The following BPIFC variants were observed in gnomAD, a reference collection of about 807,000 sequenced individuals.
BPIFC encodes BPI fold-containing family C protein.
In BPIFC, 60 loss-of-function variants were observed where a neutral mutation model predicts 57.6. The ratio of observed to expected loss-of-function variants is 1.04; its 90% confidence interval spans 0.85 to 1.29. The LOEUF (loss-of-function observed/expected upper bound fraction) is 1.29. Ranked by LOEUF, BPIFC falls within the 50% of genes most tolerant of loss-of-function variation. BPIFC has a pLI of 0.00. For synonymous variants in BPIFC, 243 were observed against 224.5 expected, an observed-to-expected ratio of 1.08 and a Z score of -0.74; for missense variants, 581 against 600.5, an observed-to-expected ratio of 0.97 and a Z score of 0.34.
chr22:32,460,360 C>T (rs1935136134), intron 2 of BPIFC, among the ~76,000 whole-genome samples: 1 of 152,210 alleles, frequency 6.6e-6, no homozygotes, highest in African/African-American at 2.4e-5. Flanking sequence ...TTGTCTAGTG[C>T]ACAAACTCCC....
At chr22:32,429,833 A>G (rs991473321) in intron 13 of BPIFC, among the ~76,000 whole-genome samples, 2 of 152,056 alleles carry the variant, frequency 1.3e-5, no homozygotes, top group Non-Finnish European at 2.9e-5. Flanking sequence ...TGTTTCCACA[A>G]TAGACTTCAT....
At chr22:32,457,829 T>C (rs1935077100) in intron 2 of BPIFC, among the ~76,000 whole-genome samples, 2 of 152,210 alleles carry the variant, frequency 1.3e-5, no homozygotes, top group South Asian at 4.1e-4. Flanking sequence ...TACTCTGGGA[T>C]CCCACCACAC....
chr22:32,463,189 T>C (rs1331798654), intron 1 of BPIFC, among the ~76,000 whole-genome samples: 1 of 152,176 alleles, frequency 6.6e-6, no homozygotes, highest in Admixed American at 6.5e-5. Context: ...TTTCATTGAA[T>C]TGTTCAGTTA....
In BPIFC at chr22:32,435,724, C is replaced by G. The variant is rs5994570; in HGVS notation, c.904G>C (p.Val302Leu). ...CTCACCTCTTCGGTGGAGAGAGTGA[C>G]ATTGAAAACCCCAGCTGTGAAATGA... The part of the protein sequence containing the change: ...FAHFTAGVFN[V>L]TLSTEEISNH... The change falls in exon 10 of 17, where the codon GTC becomes CTC. Residue 302 changes from valine to leucine, a missense_variant. By Grantham distance (32) the Val-to-Leu change is conservative. Transcript: ENST00000300399. The G allele has an allele frequency of 0.077, 123,645 of 1,613,636 alleles. 8,047 individuals are homozygous for G. Among genetic ancestry groups the G allele is most frequent in the African/African-American group, 0.35 (25,891 of 74,902 alleles).
intron 13 of BPIFC, among the ~76,000 whole-genome samples, chr22:32,424,659 CT>C (rs1177023109): frequency 9.2e-5 from 6 of 65,334 alleles, no homozygotes; most frequent in African/African-American, 4.0e-4. Flanking sequence ...TCTTCTTCTT[CT>C]TCTTCTTCTT....
chr22:32,440,645 A>G (rs12167810), intron 8 of BPIFC, among the ~76,000 whole-genome samples: 1 of 152,136 alleles, frequency 6.6e-6, no homozygotes, highest in East Asian at 1.9e-4. Flanking sequence ...TTCCCATCTC[A>G]ATAAATGCTA....
At chr22:32,432,737 G>C (rs1934285168) in intron 11 of BPIFC, among the ~76,000 whole-genome samples, 194 bp from the exon 12 acceptor site, 1 of 152,162 alleles carries the variant, frequency 6.6e-6, no homozygotes, top group African/African-American at 2.4e-5. Context: ...CATAATACTT[G>C]ATACTACCCA....
Position 32,457,188 on chromosome 22 carries a change from T to C in BPIFC, c.124+75A>G, listed in dbSNP as rs953862957. ...TTCTCAGTCAGGAGACAGCCCATGT[T>C]ATGAGCTGTTCAGTTTGGGTCACAG... On this transcript the variant is annotated intron_variant, in intron 3 of 16. Coordinates refer to ENST00000300399, the MANE Select transcript of BPIFC (RefSeq NM_174932.3). 7.4e-6 allele frequency: 11 copies of C among 1,489,848 alleles called. No homozygotes were observed. The African/African-American group carries it at 1.6e-4, about 21-fold the overall frequency. The allele number at this position is 1,489,848 out of a possible 1,614,324, so 92.3% of individuals were successfully genotyped here. A position where few individuals can be genotyped will look rare whatever the true frequency, so the allele number is the denominator to read the frequency against.
At chr22:32,422,600 C>T (rs1030747511) in intron 13 of BPIFC, among the ~76,000 whole-genome samples, 1 of 151,750 alleles carries the variant, frequency 6.6e-6, no homozygotes, top group Non-Finnish European at 1.5e-5. Flanking sequence ...CCCAGCTACT[C>T]GGGAGGCAGA....
At chr22:32,456,769 T>C (rs958779802) in intron 3 of BPIFC, among the ~76,000 whole-genome samples, 5 of 152,294 alleles carry the variant, frequency 3.3e-5, no homozygotes, top group African/African-American at 1.2e-4. Context: ...AAATGTTCTC[T>C]AAAGGAGTGG....
At chr22:32,439,536 G>T in intron 8 of BPIFC, among the ~76,000 whole-genome samples, 1 of 152,158 alleles carries the variant, frequency 6.6e-6, no homozygotes, top group Admixed American at 6.5e-5. Context: ...AGATGGAGAT[G>T]AAAAGCAAGA....
chr22:32,457,393 T>C lies in BPIFC; in HGVS notation c.1-7A>G. On this transcript the variant is annotated splice_region_variant and splice_polypyrimidine_tract_variant and intron_variant, in intron 2 of 16. Transcript: ENST00000300399. ...GGATTGTCTTTGTACACATCTGAAA[T>C]TAACCAACAGTTAAGGTTCCTTTAT... 2 of 1,604,360 alleles carry C rather than the reference T, an allele frequency of 1.2e-6. No individual in the cohort carries two copies. Among genetic ancestry groups the C allele is most frequent in the Non-Finnish European group, 1.7e-6 (2 of 1,177,524 alleles).
At chr22:32,459,684 A>T (rs1935121107) in intron 2 of BPIFC, among the ~76,000 whole-genome samples, 4 of 147,922 alleles carry the variant, frequency 2.7e-5, no homozygotes, top group Middle Eastern at 3.4e-3. Flanking sequence ...AATAAAAATT[A>T]AAAAAAAAAC....
chr22:32,437,380 T>C (rs1410568177), intron 9 of BPIFC, among the ~76,000 whole-genome samples: 1 of 152,158 alleles, frequency 6.6e-6, no homozygotes, highest in Non-Finnish European at 1.5e-5. Context: ...TTTGTTTTTG[T>C]TTTTGTTTTC....
intron 4 of BPIFC, among the ~76,000 whole-genome samples, chr22:32,452,703 G>A (rs1934928785): frequency 6.6e-6 from 1 of 152,036 alleles, no homozygotes; most frequent in South Asian, 2.1e-4. Context: ...ATTGACAGCA[G>A]GGGAATGATC....
At chr22:32,450,285 TTACAGGTTTG>T (rs1254779277) in intron 4 of BPIFC, among the ~76,000 whole-genome samples, 9 of 152,226 alleles carry the variant, frequency 5.9e-5, no homozygotes, top group Non-Finnish European at 8.8e-5. Context: ...GTCTCATGTT[TTACAGGTTTG>T]TAGCCTAGGA....
chr22:32,457,236 T>C (rs1204860796), intron 3 of BPIFC, 27 bp downstream of exon 3: 2 of 1,583,302 alleles, frequency 1.3e-6, no homozygotes, highest in Non-Finnish European at 8.5e-7. Flanking sequence ...GGGCCTGAGG[T>C]CTGGCTTCTG....
Position 32,461,565 on chromosome 22 carries a change from T to C in BPIFC, c.-1+9A>G. On this transcript the variant is annotated intron_variant, in intron 2 of 16. Transcript: ENST00000300399. The stretch of plus-strand genomic sequence containing the variant: ...ACAGCATCTTAACACTCTGAATGGA[T>C]GCATGTACCTCCTGCAGGAGCTAGA... 2.0e-6 allele frequency: 2 copies of C among 985,048 alleles called. No homozygotes were observed. Among genetic ancestry groups the C allele is most frequent in the Non-Finnish European group, 2.4e-6 (2 of 829,576 alleles). 61.0% of individuals were successfully genotyped at this position (985,048 alleles called of 1,614,324 possible).
At chr22:32,461,489 G>A (rs1935159114) in intron 2 of BPIFC, 85 bp downstream of exon 2, 1 of 678,622 alleles carries the variant, frequency 1.5e-6, no homozygotes, top group South Asian at 6.5e-5. Flanking sequence ...TGTGGTGAGT[G>A]GGATAAGGGG....
Sources: gnomAD v4.1 joint callset for allele counts (sites outside exome capture counted in the v4.1 genomes callset) on GRCh38, gnomAD v4.1.1 for gene constraint, MANE v1.5 for transcripts, NCBI Gene and HGNC (gene_info 2026-07-23, HGNC 2026-07-21) for gene names.